The following TTN variants were observed in gnomAD, a reference collection of about 807,000 sequenced individuals.
The protein encoded by TTN is titin.
TTN carries 1,525 observed loss-of-function variants against 3,223.0 expected under a neutral mutation model. The ratio of observed to expected loss-of-function variants is 0.47; its 90% confidence interval spans 0.45 to 0.49. The LOEUF is 0.49. Ranked by LOEUF, TTN falls within the 20% of genes least tolerant of loss-of-function variation. The probability of loss-of-function intolerance (pLI) is 0.00; values close to 1 mark genes in which losing one functional copy is unlikely to be tolerated. For missense variants in TTN, 40,786 were observed against 43,424.0 expected, an observed-to-expected ratio of 0.94 and a Z score of 5.40; for synonymous variants, 14,094 against 15,161.0, an observed-to-expected ratio of 0.93 and a Z score of 5.17.
Position 178,550,273 on chromosome 2 carries a change from A to G in TTN, c.91565T>C (p.Val30522Ala), listed in dbSNP as rs772307507. 1.2e-6 allele frequency: 2 copies of G among 1,603,252 alleles called. No individual in the cohort carries two copies. The highest frequency in any genetic ancestry group is 1.7e-6 in the Non-Finnish European group (2 of 1,174,538). ...SGIIMTRDEN[V>A]PPIVEFGPEY... ...AGGGCCAAACTCTACTATTGGTGGA[A>G]CTATAAAAGAAAGAGAAATACTATG... Residue 30522 changes from valine (V) to alanine (A), a missense_variant and splice_region_variant, in exon 337 of 363, where the codon GTT becomes GCT. Physicochemically the swap from Val to Ala is moderately conservative, Grantham distance 64. Coordinates refer to ENST00000589042, the MANE Select transcript of TTN (RefSeq NM_001267550.2).
intron 47 of TTN, among the ~76,000 whole-genome samples, chr2:178,742,659 G>A (rs185182852): frequency 2.0e-5 from 3 of 152,226 alleles, no homozygotes; most frequent in Admixed American, 6.5e-5. Flanking sequence ...AAACAAAGCA[G>A]TGCATAACAG....
chr2:178,615,373 A>G lies in TTN; in HGVS notation c.48572T>C (p.Ile16191Thr), dbSNP rs372753303. 4.3e-6 allele frequency: 7 copies of G among 1,612,584 alleles called. No homozygotes were observed. Among genetic ancestry groups the G allele is most frequent in the Non-Finnish European group, 5.1e-6 (6 of 1,179,056 alleles). ...NDGGSRIKGY[I>T]VERCPRGSDK... ...AGAACCACGTGGACATCTTTCAACT[A>G]TATATCCTTTGATGCGTGAACCACC... The change falls in exon 259 of 363, where the codon ATA becomes ACA. Residue 16191 changes from isoleucine to threonine, a missense_variant. Physicochemically the swap from Ile to Thr is moderately conservative, Grantham distance 89 (BLOSUM62 -1). Transcript: ENST00000589042.
At chr2:178,702,322 G>A in intron 107 of TTN, 77 bp from the exon 108 acceptor site, 3 of 1,605,550 alleles carry the variant, frequency 1.9e-6, no homozygotes, top group South Asian at 1.1e-5. Flanking sequence ...ATACGTATGT[G>A]TTTATTTACA....
Position 178,642,293 on chromosome 2 carries a change from C to A in TTN, c.40502G>T (p.Arg13501Leu). 1.3e-6 allele frequency: 2 copies of A among 1,593,856 alleles called. No individual in the cohort carries two copies. Among genetic ancestry groups the A allele is most frequent in the Non-Finnish European group, 1.7e-6 (2 of 1,169,308 alleles). The change falls in exon 219 of 363, where the codon CGC (arginine) becomes CTC (leucine). Residue 13501 changes from arginine (R) to leucine (L), a missense_variant. Coordinates refer to ENST00000589042, the MANE Select transcript of TTN (RefSeq NM_001267550.2). ...LKVPGGEKKVRKLLPERKPEP... is the reference protein window; with the variant it reads ...LKVPGGEKKVLKLLPERKPEP... ...AGGTTTACGTTCCGGAAGTAATTTG[C>A]GAACTTTCTTTTCACCTCCAGGCAC...
chr2:178,542,291 C>G lies in TTN; in HGVS notation c.97465G>C (p.Glu32489Gln). 3 of 1,611,306 alleles carry G rather than the reference C, an allele frequency of 1.9e-6. No individual in the cohort carries two copies. In the Admixed American group the frequency reaches 5.0e-5, roughly 27 times the overall value. Residue 32489 changes from glutamate (E) to glutamine (Q), a missense_variant, in exon 349 of 363, where the codon GAG becomes CAG. Glu to Gln is a conservative substitution (Grantham distance 29). Coordinates refer to ENST00000589042, the MANE Select transcript of TTN (RefSeq NM_001267550.2). ...RFGIGSYLQS[E>Q]VIECRSSIRI... ...ATGCTGCTGCGACACTCTATGACCT[C>G]AGACTGCAAGTAAGAGCCAATCCCG...
In TTN at chr2:178,799,736, A is replaced by G. The variant is rs1232770441; in HGVS notation, c.670-5T>C. On this transcript the variant is annotated splice_polypyrimidine_tract_variant and splice_region_variant and intron_variant, in intron 5 of 362. Transcript: ENST00000589042. ...ATCAAAGTGGGCTTCAATCTTCTGT[A>G]AAAGATTAAAACAAAGCCCACGTTG... 6.2e-7 allele frequency: 1 copy of G among 1,614,058 alleles called. No individual in the cohort carries two copies.
Position 178,709,747 on chromosome 2 carries a change from A to G in TTN, c.28572T>C (p.Thr9524=), listed in dbSNP as rs772075488. The change falls in exon 99 of 363, where the codon ACT becomes ACC. Residue 9524 remains threonine, a synonymous_variant. Transcript: ENST00000589042. ...EGRVAGSQPI[T]VAWYKNNIEI... is the part of the protein sequence containing the mutation. ...CTATATTATTTTTGTACCAGGCAAC[A>G]GTTATAGGTTGGGAACCAGCCACAC... The G allele has an allele frequency of 3.7e-6, 6 of 1,613,796 alleles. No homozygotes were observed. The African/African-American group carries it at 8.0e-5, about 22-fold the overall frequency.
Position 178,609,774 on chromosome 2 carries a change from C to T in TTN, c.51649G>A (p.Glu17217Lys), listed in dbSNP as rs1060500503. The T allele has an allele frequency of 3.1e-6, 5 of 1,612,904 alleles. No homozygotes were observed. Among genetic ancestry groups the T allele is most frequent in the Middle Eastern group, 1.7e-4 (1 of 6,048 alleles). The part of the protein sequence containing the change: ...YTAKGLEEGK[E>K]YQFRVRAENA... ...TCTGCTCGCACACGGAATTGGTACTCTTTCCCCTCTTCAAGTCCTTTTGCT... is the reference window on the plus strand; with the variant it reads ...TCTGCTCGCACACGGAATTGGTACTTTTTCCCCTCTTCAAGTCCTTTTGCT... Residue 17217 changes from glutamate (E) to lysine (K), a missense_variant, in exon 272 of 363, where the codon GAG becomes AAG. Coordinates refer to ENST00000589042, the MANE Select transcript of TTN (RefSeq NM_001267550.2).
intron 111 of TTN, among the ~76,000 whole-genome samples, chr2:178,699,657 C>T (rs1167624760): frequency 2.1e-5 from 3 of 146,294 alleles, no homozygotes; most frequent in East Asian, 2.0e-4. Flanking sequence ...GTGATCCGCC[C>T]GCCTCGGCCT....
Position 178,740,340 on chromosome 2 carries a change from G to A in TTN, c.12893C>T (p.Thr4298Ile). 6.2e-7 allele frequency: 1 copy of A among 1,613,688 alleles called. No homozygotes were observed. Among genetic ancestry groups the A allele is most frequent in the Non-Finnish European group, 8.5e-7 (1 of 1,179,782 alleles). ...EPLVPSEHSC[T>I]EGGKILIESA... ...TTCTATCAAAATTTTACCTCCTTCT[G>A]TGCATGAGTGTTCTGAAGGGACTAG... Residue 4298 changes from threonine (T) to isoleucine (I), a missense_variant, in exon 48 of 363, where the codon ACA (threonine) becomes ATA (isoleucine). Physicochemically the swap from Thr to Ile is moderately conservative, Grantham distance 89 (BLOSUM62 -1). Transcript: ENST00000589042.
rs201918596 is a variant in TTN, at chr2:178,559,698, T to C, written c.86434A>G (p.Ile28812Val). 1.3e-4 allele frequency: 205 copies of C among 1,607,786 alleles called. 1 individual carries two copies. The African/African-American group carries it at 2.6e-3, about 21-fold the overall frequency. Residue 28812 changes from isoleucine to valine, a missense_variant, in exon 326 of 363, where the codon ATT becomes GTT. Coordinates refer to ENST00000589042, the MANE Select transcript of TTN (RefSeq NM_001267550.2). ...DTTDSRTSLT[I>V]ENANRNDSGK... ...GAGTCATTTCTGTTGGCATTTTCAA[T>C]GGTCAGTGATGTACGAGAGTCTGTG...
Position 178,563,657 on chromosome 2 carries a change from C to T in TTN, c.82475G>A (p.Arg27492His), listed in dbSNP as rs375752919. Residue 27492 changes from arginine to histidine, a missense_variant, in exon 326 of 363, where the codon CGC (arginine) becomes CAC (histidine). Arg to His is a conservative substitution (Grantham distance 29). Coordinates refer to ENST00000589042, the MANE Select transcript of TTN (RefSeq NM_001267550.2). This position sits in a 1 kb window ranked among gnomAD's most constrained non-coding sequence, Gnocchi z 4.5. ...TKDSMVVTWARPVDDGGTEIE... is the reference protein window; with the variant it reads ...TKDSMVVTWAHPVDDGGTEIE... ...TTCGGTACCTCCGTCGTCTACTGGG[C>T]GTGCCCATGTTACTACCATAGAATC... The T allele has an allele frequency of 5.6e-6, 9 of 1,613,714 alleles. No homozygotes were observed. Among genetic ancestry groups the T allele is most frequent in the African/African-American group, 2.7e-5 (2 of 74,996 alleles).
rs201672969 is a variant in TTN at position 178,730,664 on chromosome 2, G to C, written c.17869C>G (p.Gln5957Glu). ...TACTTTTCACTAGCTGATATTTCTT[G>C]GTCATCTTTGAACCACTGGATGCTT... Reference protein sequence around the residue: ...PISIQWFKDDQEISASEKYKF... With the variant: ...PISIQWFKDDEEISASEKYKF... The change falls in exon 61 of 363, where the codon CAA (glutamine) becomes GAA (glutamate). Residue 5957 changes from glutamine to glutamate, a missense_variant. Physicochemically the swap from Gln to Glu is conservative, Grantham distance 29. Coordinates refer to ENST00000589042, the MANE Select transcript of TTN (RefSeq NM_001267550.2). 5.8e-5 allele frequency: 93 copies of C among 1,613,468 alleles called. No individual in the cohort carries two copies. Among genetic ancestry groups the C allele is most frequent in the African/African-American group, 1.2e-4 (9 of 74,858 alleles).
At chr2:178,701,497 C>G (rs2074989404) in intron 110 of TTN, 31 bp downstream of exon 110, 7 of 1,601,810 alleles carry the variant, frequency 4.4e-6, no homozygotes, top group Non-Finnish European at 6.0e-6. Context: ...ATTGCTGCTC[C>G]AAGCTCAGAT....
At position 178,672,647 on chromosome 2, in the gene TTN, G is replaced by T. The variant is rs727504775; in HGVS notation, c.34843C>A (p.Pro11615Thr). ...VPVPVQKKEA[P>T]PAKVPEVPKK... The stretch of plus-strand genomic sequence containing the variant: ...AGAGAAGATGTACCTTTGGCTGGGG[G>T]TGCCTCTTTTTTCTGAACAGGAACA... The change falls in exon 153 of 363, where the codon CCC becomes ACC. Residue 11615 changes from proline to threonine, a missense_variant. Coordinates refer to ENST00000589042, the MANE Select transcript of TTN (RefSeq NM_001267550.2). 6.2e-7 allele frequency: 1 copy of T among 1,611,324 alleles called. No homozygotes were observed. Among genetic ancestry groups the T allele is most frequent in the Non-Finnish European group, 8.5e-7 (1 of 1,178,358 alleles).
chr2:178,532,622 G>C lies in TTN; in HGVS notation c.103993C>G (p.Leu34665Val), dbSNP rs370890922. Residue 34665 changes from leucine to valine, a missense_variant, in exon 358 of 363, where the codon CTC becomes GTC. Leu to Val is a conservative substitution (Grantham distance 32, BLOSUM62 1). Transcript: ENST00000589042. ...ATTGCTAAGTAGTCATCAATGGGGA[G>C]GAGTAATTCTTCATCAGAGATGTCC... is the stretch of plus-strand genomic sequence containing the variant. ...LGDISDEELL[L>V]PIDDYLAMKR... is the part of the protein sequence containing the mutation. The C allele has an allele frequency of 7.9e-5, 127 of 1,613,946 alleles. No individual in the cohort carries two copies. The highest frequency in any genetic ancestry group is 1.2e-4 in the Admixed American group (7 of 60,016).
intron 47 of TTN, chr2:178,748,811 A>G: frequency 6.2e-7 from 1 of 1,611,714 alleles, no homozygotes. Context: ...CTTTAAATTT[A>G]TTGCAATGTT....
Position 178,747,864 on chromosome 2 carries a change from G to T in TTN, c.11311+5260C>A, listed in dbSNP as rs200192023. ...GAGGCATGAATGTTTGTACTTATTT[G>T]TTCACCTGGATTCTGTTGTTCTTCA... On this transcript the variant is annotated intron_variant, in intron 47 of 362. Transcript: ENST00000589042. The T allele has an allele frequency of 1.9e-6, 3 of 1,612,956 alleles. No homozygotes were observed. The highest frequency in any genetic ancestry group is 2.5e-6 in the Non-Finnish European group (3 of 1,179,432).
chr2:178,781,654 T>C (rs748990261), intron 20 of TTN, among the ~76,000 whole-genome samples: 4 of 152,202 alleles, frequency 2.6e-5, no homozygotes, highest in Non-Finnish European at 4.4e-5. Context: ...TATTTCAGTA[T>C]TAACTCTCTG....
Sources: gnomAD v4.1 joint callset for allele counts (sites outside exome capture counted in the v4.1 genomes callset) on GRCh38, gnomAD v4.1.1 for gene constraint, Gnocchi (gnomAD v3.1) non-coding constraint, MANE v1.5 for transcripts, NCBI Gene and HGNC (gene_info 2026-07-23, HGNC 2026-07-21) for gene names.